The following TTBK2 variants were observed in gnomAD, a reference collection of about 807,000 sequenced individuals.
TTBK2 encodes tau tubulin kinase 2.
In TTBK2, 28 loss-of-function variants were observed where a neutral mutation model predicts 110.8. That is an observed-to-expected ratio of 0.25 (90% CI 0.19 to 0.35). The LOEUF (loss-of-function observed/expected upper bound fraction) is 0.35, where lower values mean the gene tolerates loss of function less well. Ranked by LOEUF, TTBK2 falls within the 10% of genes least tolerant of loss-of-function variation. The pLI, the probability that TTBK2 is intolerant of heterozygous loss-of-function variation, is 1.00. For synonymous variants in TTBK2, 532 were observed against 527.3 expected, an observed-to-expected ratio of 1.01 and a Z score of -0.12; for missense variants, 1,369 against 1,500.3, an observed-to-expected ratio of 0.91 and a Z score of 1.45.
chr15:42,763,143 CATATATATATATACATATATAT>C (rs1446792547), intron 13 of TTBK2, among the ~76,000 whole-genome samples: 115 of 51,166 alleles, frequency 2.2e-3, no homozygotes, highest in Non-Finnish European at 3.2e-3. Flanking sequence ...TATATACATA[CATATATATATATACATATATAT>C]ATATATATAT....
At chr15:42,774,768 C>G (rs1889827157) in intron 13 of TTBK2, among the ~76,000 whole-genome samples, 1 of 152,094 alleles carries the variant, frequency 6.6e-6, no homozygotes, top group Non-Finnish European at 1.5e-5. Context: ...AAAGAACAAA[C>G]CATGAAGGGT....
chr15:42,769,741 C>G (rs916155113), intron 13 of TTBK2, among the ~76,000 whole-genome samples: 17 of 152,122 alleles, frequency 1.1e-4, no homozygotes, highest in Admixed American at 6.5e-5. Context: ...CCATTTGACC[C>G]AGCAATGCCA....
rs999189967 is a variant in TTBK2 at position 42,751,871 on chromosome 15, C to T, written c.3272+103G>A. The T allele has an allele frequency of 5.7e-6, 8 of 1,399,288 alleles. No individual in the cohort carries two copies. In the African/African-American group the frequency reaches 8.5e-5, roughly 15 times the overall value. The allele number at this position is 1,399,288 out of a possible 1,614,324, so 86.7% of individuals were successfully genotyped here. A position where few individuals can be genotyped will look rare whatever the true frequency, so the allele number is the denominator to read the frequency against. Reference sequence around the variant, plus strand: ...CTGGGAAAGGCAGGAAAGAAAGATACTGAGAAGGGGGCAACACAGAAATGT... The same window carrying T: ...CTGGGAAAGGCAGGAAAGAAAGATATTGAGAAGGGGGCAACACAGAAATGT... On this transcript the variant is annotated intron_variant, in intron 14 of 14. Coordinates refer to ENST00000267890, the MANE Select transcript of TTBK2 (RefSeq NM_173500.4).
chr15:42,834,688 C>T (rs1892918323), intron 4 of TTBK2, among the ~76,000 whole-genome samples: 2 of 152,100 alleles, frequency 1.3e-5, no homozygotes, highest in South Asian at 4.1e-4. Flanking sequence ...ATTAGCCTGG[C>T]CAACATGGGG....
At chr15:42,904,142 C>T (rs1467699204) in intron 1 of TTBK2, among the ~76,000 whole-genome samples, 2 of 152,066 alleles carry the variant, frequency 1.3e-5, no homozygotes, top group Non-Finnish European at 2.9e-5. Flanking sequence ...AACAGAGTAT[C>T]CACCCGAGTC....
At chr15:42,892,990 G>T (rs1319850409) in intron 1 of TTBK2, among the ~76,000 whole-genome samples, 1 of 138,484 alleles carries the variant, frequency 7.2e-6, no homozygotes, top group Non-Finnish European at 1.5e-5. Flanking sequence ...CAGCCTGGGT[G>T]ACAGAGCAAG....
At position 42,752,870 on chromosome 15, in the gene TTBK2, C is replaced by T. The variant is rs1245981041; in HGVS notation, c.2376G>A (p.Lys792=). Residue 792 remains lysine (K), a synonymous_variant, in exon 14 of 15, where the codon AAG becomes AAA. Coordinates refer to ENST00000267890, the MANE Select transcript of TTBK2 (RefSeq NM_173500.4). ...ILLESDNEDE[K]LSRGQHCIEI... ...CAATACAATGCTGCCCTCTACTTAA[C>T]TTCTCATCTTCATTATCTGACTCTA... 2 of 1,614,180 alleles carry T rather than the reference C, an allele frequency of 1.2e-6. No individual in the cohort carries two copies. Among genetic ancestry groups the T allele is most frequent in the East Asian group, 2.2e-5 (1 of 44,882 alleles).
Position 42,745,743 on chromosome 15 carries a change from A to G in TTBK2, c.*52T>C, listed in dbSNP as rs372671783. 4.1e-4 allele frequency: 652 copies of G among 1,600,620 alleles called. 1 individual carries two copies. Among genetic ancestry groups the G allele is most frequent in the Non-Finnish European group, 4.9e-4 (574 of 1,168,980 alleles). On this transcript the variant is annotated 3_prime_UTR_variant, in exon 15 of 15. Coordinates refer to ENST00000267890, the MANE Select transcript of TTBK2 (RefSeq NM_173500.4). ...ATAGAAAGTACAGGGACACACATGC[A>G]TCAGGTTTAGGAGGAAGATCTCACA...
intron 5 of TTBK2, among the ~76,000 whole-genome samples, chr15:42,828,400 A>C (rs1481155436): frequency 4.6e-4 from 69 of 151,308 alleles, no homozygotes; most frequent in Middle Eastern, 3.5e-3. Flanking sequence ...AAAAAAAAAA[A>C]CCCCGTAGAA....
chr15:42,920,902 C>T (rs776296165), upstream of TTBK2: 4 of 152,698 alleles, frequency 2.6e-5, no homozygotes, highest in African/African-American at 4.8e-5. Flanking sequence ...GAGTGCGTTC[C>T]GAACTCGCAG....
Position 42,786,539 on chromosome 15 carries a change from A to G in TTBK2, c.981-2904T>C, listed in dbSNP as rs535764486. Among the ~76,000 whole-genome samples the G allele has an allele frequency of 7.2e-5, 11 of 152,114 alleles. No individual in the cohort carries two copies. In the East Asian group the frequency reaches 1.7e-3, roughly 24 times the overall value. On this transcript the variant is annotated intron_variant, in intron 10 of 14. Coordinates refer to ENST00000267890, the MANE Select transcript of TTBK2 (RefSeq NM_173500.4). ...GTCCCTTTTTCCCTTATGTCTAGCCACTATTCTGCTTTTTTTCCAACTACC... is the reference window on the plus strand; with the variant it reads ...GTCCCTTTTTCCCTTATGTCTAGCCGCTATTCTGCTTTTTTTCCAACTACC...
rs1171245575 is a variant in TTBK2 at position 42,775,435 on chromosome 15, T to C, written c.1698A>G (p.Thr566=). 6.2e-7 allele frequency: 1 copy of C among 1,614,250 alleles called. No individual in the cohort carries two copies. The highest frequency in any genetic ancestry group is 1.1e-5 in the South Asian group (1 of 91,086). The change falls in exon 13 of 15, where the codon ACA becomes ACG. Residue 566 remains threonine, a synonymous_variant. Coordinates refer to ENST00000267890, the MANE Select transcript of TTBK2 (RefSeq NM_173500.4). Reference sequence around the variant, plus strand: ...TTGTTTTATGTCCTACAGCCTCATTTGTCCTAAAATCCTGAAGGTCCTGCT... The same window carrying C: ...TTGTTTTATGTCCTACAGCCTCATTCGTCCTAAAATCCTGAAGGTCCTGCT... The part of the protein sequence containing the change: ...DKEQDLQDFR[T]NEAVGHKTTG...
At chr15:42,854,382 A>T (rs1280273801) in intron 3 of TTBK2, among the ~76,000 whole-genome samples, 2 of 152,254 alleles carry the variant, frequency 1.3e-5, no homozygotes, top group Non-Finnish European at 2.9e-5. Context: ...ATATAAATAC[A>T]GCAAGTCCTC....
At position 42,828,936 on chromosome 15, in the gene TTBK2, T is replaced by G. The variant is rs1892642884; in HGVS notation, c.433-904A>C. Among the ~76,000 whole-genome samples the G allele has an allele frequency of 2.0e-5, 3 of 152,278 alleles. 1 individual carries two copies. Among genetic ancestry groups the G allele is most frequent in the Admixed American group, 2.0e-4 (3 of 15,298 alleles). On this transcript the variant is annotated intron_variant, in intron 5 of 14. Coordinates refer to ENST00000267890, the MANE Select transcript of TTBK2 (RefSeq NM_173500.4). ...GGACTTGTGACGGTAAAAGCCAAATTGTTACCAGAATTGTTAGTTTTTTTT... is the reference window on the plus strand; with the variant it reads ...GGACTTGTGACGGTAAAAGCCAAATGGTTACCAGAATTGTTAGTTTTTTTT...
intron 1 of TTBK2, among the ~76,000 whole-genome samples, chr15:42,911,020 G>A (rs189967982): frequency 2.0e-5 from 3 of 151,048 alleles, no homozygotes; most frequent in African/African-American, 7.3e-5. Context: ...CTCCAGCCTC[G>A]GTGACAAGAG....
chr15:42,905,352 C>T (rs967897523), intron 1 of TTBK2, among the ~76,000 whole-genome samples: 1 of 152,190 alleles, frequency 6.6e-6, no homozygotes, highest in African/African-American at 2.4e-5. Flanking sequence ...CAGCTCATTG[C>T]AGCCTTGACC....
rs184683273 is a variant in TTBK2, at chr15:42,797,979, G to C, written c.823-3178C>G. ...GCTCACTGCAACCTTCGCCTCCCGGGTTCAAGCGACTCTCCTGCCTCAGCC... is the reference window on the plus strand; with the variant it reads ...GCTCACTGCAACCTTCGCCTCCCGGCTTCAAGCGACTCTCCTGCCTCAGCC... On this transcript the variant is annotated intron_variant, in intron 9 of 14. Transcript: ENST00000267890. 4.4e-3 allele frequency among the ~76,000 whole-genome samples: 673 copies of C among 152,200 alleles called. 11 individuals carry two copies. The highest frequency in any genetic ancestry group is 0.015 in the African/African-American group (640 of 41,514).
At chr15:42,748,585 C>T (rs747411212) in intron 14 of TTBK2, among the ~76,000 whole-genome samples, 25 of 152,052 alleles carry the variant, frequency 1.6e-4, no homozygotes, top group Non-Finnish European at 2.8e-4. Flanking sequence ...CCGTGCCTGG[C>T]TAATTCTTGT....
At chr15:42,879,604 G>A (rs907146744) in intron 1 of TTBK2, among the ~76,000 whole-genome samples, 13 of 150,042 alleles carry the variant, frequency 8.7e-5, no homozygotes, top group African/African-American at 2.2e-4. Context: ...TTATGTAAAC[G>A]AATGAGTATG....
Sources: gnomAD v4.1 joint callset for allele counts (sites outside exome capture counted in the v4.1 genomes callset) on GRCh38, gnomAD v4.1.1 for gene constraint, MANE v1.5 for transcripts, NCBI Gene and HGNC (gene_info 2026-07-23, HGNC 2026-07-21) for gene names.